Variants in RSU1 observed in about 807,000 individuals in gnomAD.
RSU1 encodes Ras suppressor protein 1.
In RSU1, 26 loss-of-function variants were observed where a neutral mutation model predicts 31.1. The ratio of observed to expected loss-of-function variants is 0.84; its 90% CI spans 0.61 to 1.16. The LOEUF (loss-of-function observed/expected upper bound fraction) is 1.16, where lower values mean the gene tolerates loss of function less well. RSU1 is among the 50% of genes most tolerant of loss of function. The probability of loss-of-function intolerance (pLI) is 0.00; values close to 1 mark genes in which losing one functional copy is unlikely to be tolerated. For synonymous variants in RSU1, 164 were observed against 136.3 expected (o/e 1.20, Z -1.41); for missense variants, 320 against 339.1 (o/e 0.94, Z 0.44).
intron 8 of RSU1, among the ~76,000 whole-genome samples, chr10:16,644,105 T>TGG (rs35016756): frequency 1.2e-4 from 17 of 144,522 alleles, no homozygotes; most frequent in Middle Eastern, 3.5e-3. Context: ...CAGAGGGTGG[T>TGG]GGGGGGGGGT....
chr10:16,772,817 GTAGA>G (rs1291697948), intron 3 of RSU1, among the ~76,000 whole-genome samples: 5 of 152,068 alleles, frequency 3.3e-5, no homozygotes, highest in Admixed American at 2.6e-4. Flanking sequence ...ACATTACAAG[GTAGA>G]TAGTCAGCAA....
At chr10:16,756,270 T>C (rs1436394727) in intron 4 of RSU1, among the ~76,000 whole-genome samples, 2 of 152,166 alleles carry the variant, frequency 1.3e-5, no homozygotes, top group Non-Finnish European at 1.5e-5. Flanking sequence ...TGAACAACAA[T>C]GTGAATACGC....
intron 7 of RSU1, chr10:16,748,212 T>C (rs893404552): frequency 5.3e-5 from 8 of 152,352 alleles, no homozygotes; most frequent in East Asian, 1.9e-4. Context: ...TTTATGGAGC[T>C]AAAATTGAGG....
chr10:16,646,592 T>C (rs1342020840), intron 8 of RSU1, among the ~76,000 whole-genome samples: 1 of 152,212 alleles, frequency 6.6e-6, no homozygotes, highest in Admixed American at 6.5e-5. Flanking sequence ...AAAGTGTTTT[T>C]TTCCTTCCTC....
chr10:16,638,009 T>C (rs918531335), intron 8 of RSU1, among the ~76,000 whole-genome samples: 1 of 152,182 alleles, frequency 6.6e-6, no homozygotes, highest in Admixed American at 6.5e-5. Flanking sequence ...TTTATGGTAC[T>C]TTCCAGCTTG....
chr10:16,674,948 T>C (rs578222279), intron 8 of RSU1, among the ~76,000 whole-genome samples: 1 of 152,126 alleles, frequency 6.6e-6, no homozygotes, highest in African/African-American at 2.4e-5. Context: ...CAGGAGCATC[T>C]TTTGAACCTG....
intron 5 of RSU1, 45 bp downstream of exon 5, chr10:16,754,826 C>A: frequency 8.4e-7 from 1 of 1,193,474 alleles, no homozygotes; most frequent in East Asian, 2.5e-5. Flanking sequence ...TCTCAGAACG[C>A]AAAGTACAAG....
intron 3 of RSU1, among the ~76,000 whole-genome samples, chr10:16,764,990 G>C (rs28736547): frequency 0.33 from 49,398 of 150,328 alleles, 9,629 homozygotes; most frequent in African/African-American, 0.57. Context: ...GCTAATGGGG[G>C]GGGAGAAACA....
intron 7 of RSU1, among the ~76,000 whole-genome samples, chr10:16,746,923 C>A (rs1388290180): frequency 6.6e-6 from 1 of 152,092 alleles, no homozygotes. Context: ...CAGGCAGGCT[C>A]CGGAGGATAT....
intron 8 of RSU1, among the ~76,000 whole-genome samples, chr10:16,675,335 A>T (rs1158422385): frequency 2.6e-5 from 4 of 152,162 alleles, no homozygotes; most frequent in Non-Finnish European, 4.4e-5. Context: ...TGTCACTGTT[A>T]TTGTTCCATA....
At chr10:16,615,208 G>GA (rs911725545) in intron 8 of RSU1, among the ~76,000 whole-genome samples, 35 of 143,462 alleles carry the variant, frequency 2.4e-4, no homozygotes, top group East Asian at 4.0e-4. Flanking sequence ...CAAATGGAGA[G>GA]AAAAAAAAAA....
chr10:16,658,118 G>T (rs3847360), intron 8 of RSU1, among the ~76,000 whole-genome samples: 9,004 of 152,252 alleles, frequency 0.059, 911 homozygotes, highest in African/African-American at 0.2. Flanking sequence ...CAAACATGGA[G>T]AATTTTAGCA....
intron 8 of RSU1, among the ~76,000 whole-genome samples, chr10:16,655,590 T>C (rs1834763180): frequency 6.6e-6 from 1 of 152,226 alleles, no homozygotes; most frequent in Non-Finnish European, 1.5e-5. Flanking sequence ...ATATAATTCA[T>C]ATTCATAAAA....
At chr10:16,699,696 A>T (rs2131568241) in intron 7 of RSU1, among the ~76,000 whole-genome samples, 1 of 152,308 alleles carries the variant, frequency 6.6e-6, no homozygotes, top group East Asian at 1.9e-4. Flanking sequence ...AATAAGCTAG[A>T]AAGTGGTGCA....
chr10:16,768,992 G>A (rs897131284), intron 3 of RSU1, among the ~76,000 whole-genome samples: 4 of 152,272 alleles, frequency 2.6e-5, no homozygotes, highest in East Asian at 1.9e-4. Context: ...TACGGCCATC[G>A]GTAATACCTG....
chr10:16,731,503 G>A (rs969697932), intron 7 of RSU1, among the ~76,000 whole-genome samples: 36 of 151,748 alleles, frequency 2.4e-4, no homozygotes, highest in African/African-American at 8.2e-4. Context: ...ATTATTTCTT[G>A]ATGATAGAAT....
intron 8 of RSU1, among the ~76,000 whole-genome samples, chr10:16,644,651 G>C (rs553522529): frequency 2.0e-5 from 3 of 152,128 alleles, no homozygotes; most frequent in African/African-American, 7.2e-5. Context: ...CACACATAGC[G>C]CAGTGTTCTG....
chr10:16,690,586 T>C (rs989016100), intron 8 of RSU1, among the ~76,000 whole-genome samples: 4 of 152,226 alleles, frequency 2.6e-5, no homozygotes, highest in African/African-American at 9.7e-5. Context: ...TTTAATTCTG[T>C]TGACACACTG....
intron 3 of RSU1, among the ~76,000 whole-genome samples, chr10:16,768,153 A>G (rs115678106): frequency 0.019 from 2,863 of 152,278 alleles, 99 homozygotes; most frequent in African/African-American, 0.066. Context: ...CTATGACACC[A>G]AAGGAACTAA....
Sources: gnomAD v4.1 joint callset for allele counts (sites outside exome capture counted in the v4.1 genomes callset) on GRCh38, gnomAD v4.1.1 for gene constraint, MANE v1.5 for transcripts, NCBI Gene and HGNC (gene_info 2026-07-23, HGNC 2026-07-21) for gene names.